The following SIAH3 variants were observed in gnomAD, a reference collection of about 807,000 sequenced individuals.
The protein encoded by SIAH3 is siah E3 ubiquitin protein ligase family member 3, also known as seven in absentia homolog 3.
A neutral mutation model predicts 12.6 loss-of-function variants in SIAH3; 9 were observed. That is an observed-to-expected ratio of 0.72 (90% CI 0.43 to 1.25). The LOEUF is 1.25. SIAH3 is among the 50% of genes most tolerant of loss of function. The probability of loss-of-function intolerance (pLI) is 0.00; values close to 1 mark genes in which losing one functional copy is unlikely to be tolerated. For synonymous variants in SIAH3, 154 were observed against 151.1 expected, an observed-to-expected ratio of 1.02 and a Z score of -0.14; for missense variants, 390 against 365.4, an observed-to-expected ratio of 1.07 and a Z score of -0.55.
chr13:45,824,688 A>G (rs546670806), intron 1 of SIAH3, among the ~76,000 whole-genome samples: 18 of 152,172 alleles, frequency 1.2e-4, no homozygotes, highest in Non-Finnish European at 2.2e-4. Flanking sequence ...CTGGCACACA[A>G]ACAATGTTTT....
chr13:45,814,306 A>T (rs1478954164), intron 1 of SIAH3, among the ~76,000 whole-genome samples: 1 of 150,512 alleles, frequency 6.6e-6, no homozygotes, highest in African/African-American at 2.4e-5. Context: ...GTGTTTTTGG[A>T]GTATAGTCCC....
At chr13:45,810,075 G>A (rs1032445284) in intron 1 of SIAH3, among the ~76,000 whole-genome samples, 8 of 152,148 alleles carry the variant, frequency 5.3e-5, no homozygotes, top group African/African-American at 1.7e-4. Context: ...CTGAGGCAGC[G>A]ACCTGAAGGC....
At chr13:45,801,095 C>CCG (rs143126909) in intron 1 of SIAH3, among the ~76,000 whole-genome samples, 1 of 114,124 alleles carries the variant, frequency 8.8e-6, no homozygotes, top group Non-Finnish European at 1.9e-5. Flanking sequence ...TGATGGGTGG[C>CCG]GGGGGGGGGC....
chr13:45,848,972 T>C (rs1020626377), intron 1 of SIAH3, among the ~76,000 whole-genome samples: 2 of 152,256 alleles, frequency 1.3e-5, no homozygotes, highest in African/African-American at 2.4e-5. Context: ...GGTCTGTTTA[T>C]GGAAATCAGC....
intron 1 of SIAH3, among the ~76,000 whole-genome samples, chr13:45,832,095 G>T (rs2137577360): frequency 6.6e-6 from 1 of 152,330 alleles, no homozygotes. Flanking sequence ...GTGGGGTGCA[G>T]CCACCCAGGT....
In SIAH3 at chr13:45,800,869, T is replaced by C. The variant is rs143692343; in HGVS notation, c.136-16812A>G. Among the ~76,000 whole-genome samples the C allele has an allele frequency of 4.8e-3, 728 of 152,262 alleles. 4 individuals are homozygous for C. The highest frequency in any genetic ancestry group is 0.017 in the African/African-American group (691 of 41,552). ...GGCAAGGGCTTCCATGGGCACTGAATTGGTAATGAGATAGAACATCGTCTT... is the reference window on the plus strand; with the variant it reads ...GGCAAGGGCTTCCATGGGCACTGAACTGGTAATGAGATAGAACATCGTCTT... On this transcript the variant is annotated intron_variant, in intron 1 of 1. Transcript: ENST00000400405.
Position 45,783,788 on chromosome 13 carries a change from G to T in SIAH3, c.405C>A (p.Ile135=). ...GGAAGACGATCTCGGCTCCCTGGAG[G>T]ATGTCAACCCTATGGATCTGCCGCA... ...PHLRQIHRVD[I]LQGAEIVFLA... is the part of the protein sequence containing the mutation. Residue 135 remains isoleucine, a synonymous_variant, in exon 2 of 2, where the codon ATC becomes ATA. Transcript: ENST00000400405. 6.2e-7 allele frequency: 1 copy of T among 1,614,240 alleles called. No homozygotes were observed. Among genetic ancestry groups the T allele is most frequent in the Non-Finnish European group, 8.5e-7 (1 of 1,180,042 alleles).
intron 1 of SIAH3, among the ~76,000 whole-genome samples, chr13:45,850,428 C>G (rs1220927424): frequency 1.3e-5 from 2 of 152,076 alleles, no homozygotes; most frequent in Non-Finnish European, 1.5e-5. Context: ...CAGGCACTGT[C>G]GCTACAGACA....
chr13:45,784,793 G>A (rs1242539426), intron 1 of SIAH3, among the ~76,000 whole-genome samples: 1 of 152,156 alleles, frequency 6.6e-6, no homozygotes, highest in Admixed American at 6.5e-5. Flanking sequence ...TGTTCCTCAT[G>A]GTGGCGTGCC....
chr13:45,786,408 G>A (rs985344661), intron 1 of SIAH3, among the ~76,000 whole-genome samples: 2 of 152,190 alleles, frequency 1.3e-5, no homozygotes, highest in Admixed American at 6.5e-5. Flanking sequence ...GAGAGATTGA[G>A]TCACTTGCCA....
chr13:45,792,748 T>C (rs1453375387), intron 1 of SIAH3, among the ~76,000 whole-genome samples: 1 of 152,228 alleles, frequency 6.6e-6, no homozygotes, highest in Non-Finnish European at 1.5e-5. Context: ...ATATAGACAG[T>C]ATGTGGACCA....
At chr13:45,840,566 A>C (rs1950736509) in intron 1 of SIAH3, among the ~76,000 whole-genome samples, 1 of 152,206 alleles carries the variant, frequency 6.6e-6, no homozygotes, top group Non-Finnish European at 1.5e-5. Flanking sequence ...CTATTCCAGC[A>C]AGCAGGAAGA....
chr13:45,799,245 T>C (rs1272520233), intron 1 of SIAH3, among the ~76,000 whole-genome samples: 2 of 152,188 alleles, frequency 1.3e-5, no homozygotes, highest in Non-Finnish European at 2.9e-5. Flanking sequence ...AATGGAGATA[T>C]GGGTCCAGGT....
chr13:45,786,759 G>A (rs1950529337), intron 1 of SIAH3, among the ~76,000 whole-genome samples: 1 of 152,116 alleles, frequency 6.6e-6, no homozygotes, highest in South Asian at 2.1e-4. Context: ...TTTCACACAC[G>A]AGCAGCAATC....
At position 45,845,317 on chromosome 13, in the gene SIAH3, A is replaced by G. The variant is rs529395951; in HGVS notation, c.135+6178T>C. 7.9e-5 allele frequency among the ~76,000 whole-genome samples: 12 copies of G among 151,884 alleles called. No homozygotes were observed. The South Asian group carries it at 2.5e-3, about 32-fold the overall frequency. On this transcript the variant is annotated intron_variant, in intron 1 of 1. Coordinates refer to ENST00000400405, the MANE Select transcript of SIAH3 (RefSeq NM_198849.3). ...GTAAATAAAGAGATGTCCTTTCTGT[A>G]CATCTGCATTTGTGAAAGGTACAAT...
chr13:45,819,432 G>A (rs1050047022), intron 1 of SIAH3, among the ~76,000 whole-genome samples: 2 of 152,292 alleles, frequency 1.3e-5, no homozygotes, highest in Middle Eastern at 3.4e-3. Context: ...CTGGGTGGAC[G>A]GGACAGGAAG....
At chr13:45,797,273 G>A (rs1950566235) in intron 1 of SIAH3, among the ~76,000 whole-genome samples, 1 of 152,006 alleles carries the variant, frequency 6.6e-6, no homozygotes, top group South Asian at 2.1e-4. Flanking sequence ...TTAGCCCAAG[G>A]GGAAGGAGAT....
chr13:45,793,279 C>G (rs1434796020), intron 1 of SIAH3, among the ~76,000 whole-genome samples: 1 of 152,176 alleles, frequency 6.6e-6, no homozygotes, highest in East Asian at 1.9e-4. Flanking sequence ...GAGGTGTGTC[C>G]TGGGTGGCCT....
At position 45,807,771 on chromosome 13, in the gene SIAH3, A is replaced by G. The variant is rs1161391209; in HGVS notation, c.136-23714T>C. ...CAACAGCTAGAAAGAATGCCCTCCAAATCGAATCATTGACATTGCATATGC... is the reference window on the plus strand; with the variant it reads ...CAACAGCTAGAAAGAATGCCCTCCAGATCGAATCATTGACATTGCATATGC... On this transcript the variant is annotated intron_variant, in intron 1 of 1. Transcript: ENST00000400405. 2.6e-5 allele frequency among the ~76,000 whole-genome samples: 4 copies of G among 152,322 alleles called. No individual in the cohort carries two copies. The East Asian group carries it at 5.8e-4, about 22-fold the overall frequency.
Sources: gnomAD v4.1 joint callset for allele counts (sites outside exome capture counted in the v4.1 genomes callset) on GRCh38, gnomAD v4.1.1 for gene constraint, MANE v1.5 for transcripts, NCBI Gene and HGNC (gene_info 2026-07-23, HGNC 2026-07-21) for gene names.